The following NRXN1 variants were observed in gnomAD, a reference collection of about 807,000 sequenced individuals.
NRXN1 encodes neurexin-1.
A neutral mutation model predicts 150.9 loss-of-function variants in NRXN1; 39 were observed. The ratio of observed to expected loss-of-function variants is 0.26; its 90% CI spans 0.20 to 0.34. NRXN1 has a LOEUF of 0.34. Among genes scored for constraint, NRXN1 ranks in the 10% least tolerant of loss-of-function variants. The pLI is 1.00. For missense variants in NRXN1, 1,815 were observed against 1,949.9 expected, an observed-to-expected ratio of 0.93 and a Z score of 1.30; for synonymous variants, 924 against 757.0, an observed-to-expected ratio of 1.22 and a Z score of -3.62.
At chr2:50,396,731 A>G (rs2082075545) in intron 17 of NRXN1, among the ~76,000 whole-genome samples, 1 of 152,142 alleles carries the variant, frequency 6.6e-6, no homozygotes, top group South Asian at 2.1e-4. Flanking sequence ...AAAAATACTG[A>G]TCACGGTGCT....
chr2:51,031,495 G>A (rs1268074860), intron 1 of NRXN1, among the ~76,000 whole-genome samples: 1 of 151,832 alleles, frequency 6.6e-6, no homozygotes, highest in African/African-American at 2.4e-5. Flanking sequence ...AATTTTAGAA[G>A]TGCTTATTAT....
intron 5 of NRXN1, among the ~76,000 whole-genome samples, chr2:50,830,091 T>G (rs918154944): frequency 2.0e-5 from 3 of 148,112 alleles, no homozygotes; most frequent in African/African-American, 7.5e-5. Context: ...GTTTATAGAG[T>G]CTGCTAATTG....
At chr2:50,352,481 C>T (rs1178410830) in intron 17 of NRXN1, among the ~76,000 whole-genome samples, 4 of 152,004 alleles carry the variant, frequency 2.6e-5, no homozygotes, top group African/African-American at 9.7e-5. Context: ...TTAAAACCCA[C>T]AGGCAGCACT....
At chr2:50,019,948 A>T (rs1687282488) in intron 21 of NRXN1, among the ~76,000 whole-genome samples, 1 of 58,878 alleles carries the variant, frequency 1.7e-5, no homozygotes, top group Non-Finnish European at 3.2e-5. Context: ...ACTCCGTCTC[A>T]AAAAAAAAAA....
chr2:50,157,061 T>C (rs181636817), intron 18 of NRXN1, among the ~76,000 whole-genome samples: 21 of 152,114 alleles, frequency 1.4e-4, no homozygotes, highest in Admixed American at 1.2e-3. Context: ...AAGTAGCCAA[T>C]TCAAAGACAC....
chr2:50,946,990 T>C (rs562659272), intron 2 of NRXN1, among the ~76,000 whole-genome samples: 3 of 152,170 alleles, frequency 2.0e-5, no homozygotes, highest in Non-Finnish European at 4.4e-5. Flanking sequence ...TTTCTTCTGG[T>C]GGCTTTTTCA....
At chr2:50,479,126 CT>C (rs1258041159) in intron 15 of NRXN1, among the ~76,000 whole-genome samples, 1 of 152,210 alleles carries the variant, frequency 6.6e-6, no homozygotes, top group African/African-American at 2.4e-5. Context: ...TCTTCAAAAA[CT>C]TTTGCTAAAC....
intron 21 of NRXN1, among the ~76,000 whole-genome samples, chr2:49,975,286 T>C (rs1678764794): frequency 6.6e-6 from 1 of 152,070 alleles, no homozygotes. Context: ...CTAGCCACCC[T>C]GGCACTTTTA....
intron 5 of NRXN1, among the ~76,000 whole-genome samples, chr2:50,869,232 G>A (rs1033714537): frequency 6.6e-6 from 1 of 151,442 alleles, no homozygotes; most frequent in African/African-American, 2.4e-5. Context: ...CCTTTCTTCT[G>A]GAAAAACAAA....
intron 8 of NRXN1, 160 bp downstream of exon 8, chr2:50,619,862 T>C (rs1345157364): frequency 1.8e-6 from 1 of 551,442 alleles, no homozygotes; most frequent in Non-Finnish European, 3.0e-6. Context: ...CTATGAGCTG[T>C]TTCCCTCCCC....
At chr2:50,886,524 AT>A (rs560937092) in intron 5 of NRXN1, among the ~76,000 whole-genome samples, 2 of 151,510 alleles carry the variant, frequency 1.3e-5, no homozygotes, top group Non-Finnish European at 3.0e-5. Context: ...ATCTCATAAG[AT>A]TTGAGATGTA....
In NRXN1 at chr2:50,541,063, G is replaced by A. The variant is rs748699078; in HGVS notation, c.1760-2427C>T. Among the ~76,000 whole-genome samples the A allele has an allele frequency of 5.9e-5, 9 of 152,246 alleles. 1 individual carries two copies. Among genetic ancestry groups the A allele is most frequent in the Admixed American group, 4.6e-4 (7 of 15,292 alleles). Reference sequence around the variant, plus strand: ...GCCGTAGAATTTTTGAGGATTTGACGAAATGAATATCCACTATTGAGAAAT... The same window carrying A: ...GCCGTAGAATTTTTGAGGATTTGACAAAATGAATATCCACTATTGAGAAAT... On this transcript the variant is annotated intron_variant, in intron 9 of 22. Transcript: ENST00000401669.
rs1344841995 is a variant in NRXN1 at position 49,922,132 on chromosome 2, G to T, written c.4336C>A (p.Leu1446Ile). 2 of 1,614,134 alleles carry T rather than the reference G, an allele frequency of 1.2e-6. No homozygotes were observed. The highest frequency in any genetic ancestry group is 4.5e-5 in the East Asian group (2 of 44,862). The part of the protein sequence containing the change: ...GIVAAAALCI[L>I]ILLYAMYKYR... ...TTGTACATGGCATAGAGGAGGATAA[G>T]GATGCACAGGGCGGCAGCGGCTACT... Residue 1446 changes from leucine to isoleucine, a missense_variant, in exon 23 of 23, where the codon CTT becomes ATT. Around this residue, in one of 6 missense-constraint regions of NRXN1, gnomAD observed 265 missense variants for 307.1 expected, o/e 0.86. Transcript: ENST00000401669.
At chr2:50,596,468 G>A (rs1225494570) in intron 8 of NRXN1, among the ~76,000 whole-genome samples, 1 of 152,126 alleles carries the variant, frequency 6.6e-6, no homozygotes, top group Non-Finnish European at 1.5e-5. Flanking sequence ...CCCTTTCACA[G>A]ATAAATCACA....
At chr2:50,375,047 T>G (rs1217699275) in intron 17 of NRXN1, among the ~76,000 whole-genome samples, 1 of 152,184 alleles carries the variant, frequency 6.6e-6, no homozygotes, top group African/African-American at 2.4e-5. Context: ...AAGTGCAATT[T>G]TGTGGGCATA....
At chr2:50,981,144 C>T (rs1209167937) in intron 2 of NRXN1, among the ~76,000 whole-genome samples, 1 of 151,978 alleles carries the variant, frequency 6.6e-6, no homozygotes, top group Non-Finnish European at 1.5e-5. Flanking sequence ...AAATAAAATG[C>T]TTATTTCCCA....
At chr2:50,745,190 G>C (rs1457439717) in intron 5 of NRXN1, among the ~76,000 whole-genome samples, 1 of 151,994 alleles carries the variant, frequency 6.6e-6, no homozygotes, top group Non-Finnish European at 1.5e-5. Flanking sequence ...GTTGATAATA[G>C]TATCTACATG....
At chr2:49,964,506 G>C (rs933971100) in intron 21 of NRXN1, among the ~76,000 whole-genome samples, 1 of 151,646 alleles carries the variant, frequency 6.6e-6, no homozygotes, top group Admixed American at 6.6e-5. Context: ...CTTGAACTAG[G>C]GAGGTGGAGG....
chr2:50,420,591 C>A (rs1217699468), intron 17 of NRXN1, among the ~76,000 whole-genome samples: 2 of 152,028 alleles, frequency 1.3e-5, no homozygotes, highest in Non-Finnish European at 2.9e-5. Flanking sequence ...TACTTAACAT[C>A]ATCAATTTTG....
Sources: gnomAD v4.1 joint callset for allele counts (sites outside exome capture counted in the v4.1 genomes callset) on GRCh38, gnomAD v4.1.1 for gene constraint, gnomAD v4.1.1 regional missense constraint, MANE v1.5 for transcripts, NCBI Gene and HGNC (gene_info 2026-07-23, HGNC 2026-07-21) for gene names.